The following ZFHX4 variants were observed in gnomAD, a reference collection of about 807,000 sequenced individuals.
The protein encoded by ZFHX4 is zinc finger homeobox protein 4.
Under a neutral mutation model 267.6 loss-of-function variants are expected in ZFHX4, and 56 were observed. That is an observed-to-expected ratio of 0.21 (90% confidence interval 0.17 to 0.26). The LOEUF (loss-of-function observed/expected upper bound fraction) is 0.26. Ranked by LOEUF, ZFHX4 falls within the 10% of genes least tolerant of loss-of-function variation. ZFHX4 has a pLI of 1.00. For synonymous variants in ZFHX4, 1,778 were observed against 1,665.6 expected (o/e 1.07, Z -1.64); for missense variants, 4,332 against 4,420.0 (o/e 0.98, Z 0.56).
chr8:76,758,638 G>A (rs1809828240), intron 3 of ZFHX4, among the ~76,000 whole-genome samples: 2 of 152,088 alleles, frequency 1.3e-5, no homozygotes, highest in Admixed American at 6.6e-5. Context: ...GGGACTACAG[G>A]TCTGTGCCAC....
chr8:76,752,021 T>G (rs953770283), intron 3 of ZFHX4, among the ~76,000 whole-genome samples: 1 of 152,156 alleles, frequency 6.6e-6, no homozygotes, highest in Admixed American at 6.5e-5. Context: ...TATCTAGTTG[T>G]ATATATTCCC....
At chr8:76,691,326 A>G (rs2131583777) in intron 1 of ZFHX4, among the ~76,000 whole-genome samples, 1 of 152,200 alleles carries the variant, frequency 6.6e-6, no homozygotes, top group South Asian at 2.1e-4. Flanking sequence ...AGAGCCTATG[A>G]TTCATAAAAA....
intron 4 of ZFHX4, among the ~76,000 whole-genome samples, chr8:76,823,426 A>T (rs568413792): frequency 6.6e-6 from 1 of 152,362 alleles, no homozygotes; most frequent in East Asian, 1.9e-4. Flanking sequence ...ATGGATATGC[A>T]TAAGTATTGT....
intron 3 of ZFHX4, among the ~76,000 whole-genome samples, chr8:76,770,625 A>T: frequency 6.6e-6 from 1 of 152,192 alleles, no homozygotes; most frequent in Middle Eastern, 3.2e-3. Flanking sequence ...CTATCAATTA[A>T]TTGTGCTAAT....
At chr8:76,827,917 C>T (rs1484818468) in intron 4 of ZFHX4, among the ~76,000 whole-genome samples, 1 of 152,240 alleles carries the variant, frequency 6.6e-6, no homozygotes, top group Admixed American at 6.5e-5. Flanking sequence ...CAATGCACTT[C>T]AATCTATTAC....
intron 3 of ZFHX4, among the ~76,000 whole-genome samples, chr8:76,761,775 G>A (rs866649482): frequency 5.9e-5 from 9 of 152,144 alleles, no homozygotes; most frequent in Non-Finnish European, 1.2e-4. Context: ...AATAAATGAG[G>A]TTTAGAAGCA....
intron 3 of ZFHX4, among the ~76,000 whole-genome samples, chr8:76,726,049 C>G (rs73347356): frequency 0.052 from 7,885 of 152,112 alleles, 423 homozygotes; most frequent in East Asian, 0.24. Context: ...CTTCGGGACA[C>G]TGGTGTGAAG....
intron 3 of ZFHX4, among the ~76,000 whole-genome samples, chr8:76,764,380 T>A (rs1004400835): frequency 6.6e-6 from 1 of 152,172 alleles, no homozygotes; most frequent in African/African-American, 2.4e-5. Context: ...GCTAGTCAGT[T>A]CTCTAGTTTC....
chr8:76,716,973 C>T (rs750914824), intron 3 of ZFHX4, among the ~76,000 whole-genome samples: 1 of 152,122 alleles, frequency 6.6e-6, no homozygotes, highest in Non-Finnish European at 1.5e-5. Flanking sequence ...CAGGGTACCT[C>T]AGCAGTAATG....
intron 3 of ZFHX4, among the ~76,000 whole-genome samples, chr8:76,756,990 A>G (rs1809782022): frequency 6.6e-6 from 1 of 152,170 alleles, no homozygotes; most frequent in East Asian, 1.9e-4. Flanking sequence ...TTCCAATAGC[A>G]GTGAAAGAAT....
In ZFHX4 at chr8:76,854,720, A is replaced by ATATTT. The variant is rs1372825988; in HGVS notation, c.7799_7800insTATTT (p.Glu2600AspfsTer3). ...GAAAAAGAAGGAGGGAATAGCGGTGAAGACCAACACCGAGATAAACGCTTG... is the reference window on the plus strand; with the variant it reads ...GAAAAAGAAGGAGGGAATAGCGGTGATATTTAGACCAACACCGAGATAAACGCTTG... On this transcript the variant is annotated frameshift_variant, in exon 10 of 11. Transcript: ENST00000651372. LOFTEE classifies it high-confidence loss of function. 1 of 1,613,422 alleles carries ATATTT rather than the reference A, an allele frequency of 6.2e-7. No homozygotes were observed. The highest frequency in any genetic ancestry group is 1.3e-5 in the African/African-American group (1 of 74,914).
At chr8:76,716,110 C>T (rs1372115346) in intron 3 of ZFHX4, among the ~76,000 whole-genome samples, 1 of 152,172 alleles carries the variant, frequency 6.6e-6, no homozygotes, top group East Asian at 1.9e-4. Context: ...GGGAGGAAAG[C>T]TTTTAAAGCT....
At position 76,853,869 on chromosome 8, in the gene ZFHX4, G is replaced by A; in HGVS notation, c.6948G>A (p.Lys2316=). 1 of 1,613,928 alleles carries A rather than the reference G, an allele frequency of 6.2e-7. No individual in the cohort carries two copies. The highest frequency in any genetic ancestry group is 8.5e-7 in the Non-Finnish European group (1 of 1,179,870). ...RTSNMQYQCK[K]CNVVFPRIFD... is the part of the protein sequence containing the mutation. ...GCAACATGCAGTACCAGTGTAAAAA[G>A]TGCAATGTGGTTTTCCCCAGGATCT... The change falls in exon 10 of 11, where the codon AAG becomes AAA. Residue 2316 remains lysine, a synonymous_variant. Coordinates refer to ENST00000651372, the MANE Select transcript of ZFHX4 (RefSeq NM_024721.5).
At position 76,855,786 on chromosome 8, in the gene ZFHX4, C is replaced by T; in HGVS notation, c.8865C>T (p.Thr2955=). ...KACFSDYRTP[T]MQECEMLGNE... ...GCTTTAGTGACTACCGAACTCCAACCATGCAAGAATGTGAAATGTTAGGGA... is the reference window on the plus strand; with the variant it reads ...GCTTTAGTGACTACCGAACTCCAACTATGCAAGAATGTGAAATGTTAGGGA... Residue 2955 remains threonine (T), a synonymous_variant, in exon 10 of 11, where the codon ACC becomes ACT. Transcript: ENST00000651372. The T allele has an allele frequency of 1.9e-6, 3 of 1,613,962 alleles. No homozygotes were observed. The highest frequency in any genetic ancestry group is 2.5e-6 in the Non-Finnish European group (3 of 1,179,866).
At chr8:76,821,737 C>T (rs555887166) in intron 4 of ZFHX4, among the ~76,000 whole-genome samples, 7 of 152,180 alleles carry the variant, frequency 4.6e-5, no homozygotes, top group East Asian at 1.9e-4. Context: ...TAAAAGTTGG[C>T]CTGCTGTATT....
In ZFHX4 at chr8:76,681,500, T is replaced by A. The variant is rs1031870293; in HGVS notation, c.-167T>A. ...CCAATAAAGTTCGAGGATTATTTTT[T>A]ATTTTTTTTGTTTTTTTAATGAACC... On this transcript the variant is annotated 5_prime_UTR_variant, in exon 1 of 11. Transcript: ENST00000651372. The A allele has an allele frequency of 1.3e-5, 5 of 398,602 alleles. No individual in the cohort carries two copies. Among genetic ancestry groups the A allele is most frequent in the East Asian group, 3.6e-5 (1 of 28,040 alleles). 24.7% of individuals were successfully genotyped at this position (398,602 alleles called of 1,614,324 possible). A position where few individuals can be genotyped will look rare whatever the true frequency, so the allele number is the denominator to read the frequency against.
intron 3 of ZFHX4, among the ~76,000 whole-genome samples, chr8:76,758,648 CA>C (rs1809828383): frequency 6.6e-6 from 1 of 152,134 alleles, no homozygotes; most frequent in South Asian, 2.1e-4. Flanking sequence ...GTCTGTGCCA[CA>C]ATGGCTGGCT....
At chr8:76,719,831 T>C (rs531832336) in intron 3 of ZFHX4, among the ~76,000 whole-genome samples, 1 of 152,270 alleles carries the variant, frequency 6.6e-6, no homozygotes, top group Admixed American at 6.5e-5. Flanking sequence ...AATATTGAAG[T>C]ATGCAGTTCT....
chr8:76,683,950 G>GC (rs1210373306), intron 1 of ZFHX4: 1 of 151,782 alleles, frequency 6.6e-6, no homozygotes, highest in Non-Finnish European at 1.5e-5. Flanking sequence ...CAAAAACACA[G>GC]CCCGGGTATG....
Sources: gnomAD v4.1 joint callset for allele counts (sites outside exome capture counted in the v4.1 genomes callset) on GRCh38, gnomAD v4.1.1 for gene constraint, MANE v1.5 for transcripts, NCBI Gene and HGNC (gene_info 2026-07-23, HGNC 2026-07-21) for gene names.